STK3: variants seen among roughly 807,000 people sequenced by gnomAD.
The protein encoded by STK3 is serine/threonine-protein kinase 3.
STK3 carries 41 observed loss-of-function variants against 58.0 expected under a neutral mutation model. That is an observed-to-expected ratio of 0.71 (90% CI 0.55 to 0.92). STK3 has a LOEUF of 0.92. Among genes scored for constraint, STK3 ranks in the 40% least tolerant of loss-of-function variants. The probability of loss-of-function intolerance (pLI) is 0.00; values close to 1 mark genes in which losing one functional copy is unlikely to be tolerated. For synonymous variants in STK3, 170 were observed against 191.0 expected, an observed-to-expected ratio of 0.89 and a Z score of 0.91; for missense variants, 479 against 602.7, an observed-to-expected ratio of 0.79 and a Z score of 2.15.
At chr8:98,576,894 AT>A (rs1159173192) in intron 8 of STK3, among the ~76,000 whole-genome samples, 1 of 151,962 alleles carries the variant, frequency 6.6e-6, no homozygotes, top group Non-Finnish European at 1.5e-5. Context: ...GAAAACTACA[AT>A]TTTTTTTCAG....
At chr8:98,599,899 T>TG (rs1816183280) in intron 6 of STK3, among the ~76,000 whole-genome samples, 1 of 151,832 alleles carries the variant, frequency 6.6e-6, no homozygotes, top group African/African-American at 2.4e-5. Flanking sequence ...ACCTGGGAGA[T>TG]GGAGGTTACA....
intron 6 of STK3, among the ~76,000 whole-genome samples, chr8:98,695,505 T>C (rs1040025537): frequency 1.3e-4 from 20 of 152,324 alleles, no homozygotes; most frequent in African/African-American, 4.8e-4. Flanking sequence ...CTTTAATCCA[T>C]CTTGAATTAA....
chr8:98,504,298 G>C (rs1356039202), intron 10 of STK3, among the ~76,000 whole-genome samples: 1 of 152,108 alleles, frequency 6.6e-6, no homozygotes, highest in Non-Finnish European at 1.5e-5. Flanking sequence ...CATGTGAGAT[G>C]GGTCTCCTGA....
chr8:98,470,491 G>A (rs745322679), intron 10 of STK3, among the ~76,000 whole-genome samples: 24 of 152,164 alleles, frequency 1.6e-4, no homozygotes, highest in Non-Finnish European at 3.4e-4. Context: ...TCAGTACAAG[G>A]CCTTTTAAGT....
chr8:98,528,906 G>A (rs1372895757), intron 9 of STK3, among the ~76,000 whole-genome samples: 2 of 151,980 alleles, frequency 1.3e-5, no homozygotes, highest in Non-Finnish European at 2.9e-5. Context: ...TCCTGTCTTG[G>A]CTGTCTATTT....
At chr8:98,836,496 G>A (rs1835752823) in intron 3 of STK3, among the ~76,000 whole-genome samples, 1 of 152,224 alleles carries the variant, frequency 6.6e-6, no homozygotes. Flanking sequence ...ATGAATTTTG[G>A]AGGAAAATAA....
At chr8:98,735,595 A>C (rs768285210) in intron 4 of STK3, among the ~76,000 whole-genome samples, 9 of 152,148 alleles carry the variant, frequency 5.9e-5, no homozygotes, top group Non-Finnish European at 1.2e-4. Context: ...TTTACTCATA[A>C]TGTAACCAGA....
intron 1 of STK3, among the ~76,000 whole-genome samples, chr8:98,908,859 A>G (rs186435732): frequency 0.011 from 1,624 of 149,576 alleles, 40 homozygotes; most frequent in African/African-American, 0.036. Flanking sequence ...AAAAAAAAAA[A>G]AAAAAGAAAA....
chr8:98,787,986 A>G (rs1832574105), intron 1 of STK3, among the ~76,000 whole-genome samples: 1 of 152,226 alleles, frequency 6.6e-6, no homozygotes, highest in Non-Finnish European at 1.5e-5. Context: ...ACCCCTTTAA[A>G]GCATAAATCT....
chr8:98,403,761 G>A (rs986095162), intron 3 of STK3, among the ~76,000 whole-genome samples: 18 of 152,212 alleles, frequency 1.2e-4, no homozygotes, highest in African/African-American at 3.1e-4. Flanking sequence ...AGTAGACTGC[G>A]TGCTATAGGC....
chr8:98,345,220 A>G, the STK3 span, among the ~76,000 whole-genome samples: 1 of 152,008 alleles, frequency 6.6e-6, no homozygotes, highest in Non-Finnish European at 1.5e-5. Flanking sequence ...GTATGTCCCA[A>G]ATACTGCAGG....
intron 6 of STK3, among the ~76,000 whole-genome samples, chr8:98,667,165 G>A (rs1822427434): frequency 6.6e-6 from 1 of 152,102 alleles, no homozygotes; most frequent in Non-Finnish European, 1.5e-5. Context: ...GAATTTTCAT[G>A]CAAAACTTCC....
chr8:98,771,252 T>C (rs758240771), intron 2 of STK3, among the ~76,000 whole-genome samples: 1 of 152,250 alleles, frequency 6.6e-6, no homozygotes, highest in Non-Finnish European at 1.5e-5. Flanking sequence ...TAGGTCCAAC[T>C]ACACTGTAAA....
chr8:98,583,930 T>A (rs901144810), intron 7 of STK3, among the ~76,000 whole-genome samples: 3 of 152,088 alleles, frequency 2.0e-5, no homozygotes, highest in African/African-American at 4.8e-5. Context: ...AATAAATACT[T>A]CTTTTAAAAA....
At chr8:98,756,728 C>T (rs1178340706) in intron 3 of STK3, among the ~76,000 whole-genome samples, 1 of 152,200 alleles carries the variant, frequency 6.6e-6, no homozygotes, top group African/African-American at 2.4e-5. Context: ...GACTGCCCCT[C>T]TCAGGGTAAG....
intron 1 of STK3, among the ~76,000 whole-genome samples, chr8:98,799,861 C>T (rs1413543692): frequency 6.6e-6 from 1 of 152,164 alleles, no homozygotes; most frequent in Non-Finnish European, 1.5e-5. Flanking sequence ...TCTACAATCC[C>T]AAATAGACTC....
chr8:98,903,986 T>C (rs1322091820), intron 1 of STK3, among the ~76,000 whole-genome samples: 3 of 152,218 alleles, frequency 2.0e-5, no homozygotes, highest in African/African-American at 7.2e-5. Context: ...ACTATGCTCA[T>C]GTTTATGTCT....
chr8:98,777,068 A>T (rs1831737135), intron 1 of STK3, among the ~76,000 whole-genome samples: 1 of 151,758 alleles, frequency 6.6e-6, no homozygotes, highest in African/African-American at 2.4e-5. Flanking sequence ...AAAATTAATT[A>T]AAAATTTTAA....
intron 10 of STK3, among the ~76,000 whole-genome samples, chr8:98,464,132 T>C (rs1380723620): frequency 1.3e-5 from 2 of 152,292 alleles, no homozygotes; most frequent in East Asian, 3.9e-4. Flanking sequence ...TCATCTATTT[T>C]CCCATCTGCT....
Sources: gnomAD v4.1 joint callset for allele counts (sites outside exome capture counted in the v4.1 genomes callset) on GRCh38, gnomAD v4.1.1 for gene constraint, MANE v1.5 for transcripts, NCBI Gene and HGNC (gene_info 2026-07-23, HGNC 2026-07-21) for gene names.